The following TCAIM variants were observed in gnomAD, a reference collection of about 807,000 sequenced individuals.
TCAIM encodes T cell activation inhibitor, mitochondrial, also known as T-cell activation inhibitor, mitochondrial.
In TCAIM, 36 loss-of-function variants were observed where a neutral mutation model predicts 58.6. The observed-to-expected ratio is 0.61, with a 90% confidence interval of 0.47 to 0.81. TCAIM has a LOEUF of 0.81. TCAIM is among the 30% of genes least tolerant of loss of function. TCAIM has a pLI of 0.00. For missense variants in TCAIM, 466 were observed against 579.6 expected, an observed-to-expected ratio of 0.80 and a Z score of 2.01; for synonymous variants, 172 against 193.6, an observed-to-expected ratio of 0.89 and a Z score of 0.93.
intron 10 of TCAIM, among the ~76,000 whole-genome samples, chr3:44,407,035 T>A (rs1274545858): frequency 1.3e-5 from 2 of 152,214 alleles, no homozygotes; most frequent in Non-Finnish European, 2.9e-5. Context: ...CCTGCTTTTA[T>A]CTGGGAAATC....
intron 5 of TCAIM, among the ~76,000 whole-genome samples, chr3:44,377,249 A>G (rs1208729678): frequency 1.3e-5 from 2 of 152,200 alleles, no homozygotes; most frequent in East Asian, 1.9e-4. Flanking sequence ...CAAAATAGAC[A>G]TTAAATTTAA....
intron 1 of TCAIM, among the ~76,000 whole-genome samples, chr3:44,352,079 G>A (rs1380103692): frequency 6.8e-6 from 1 of 147,804 alleles, no homozygotes; most frequent in African/African-American, 2.5e-5. Flanking sequence ...TCATATATAT[G>A]TGTGTGTGTA....
intron 1 of TCAIM, chr3:44,341,391 C>T (rs928452367): frequency 1.4e-4 from 22 of 152,064 alleles, no homozygotes; most frequent in Non-Finnish European, 2.9e-4. Flanking sequence ...TTAGCAAGTG[C>T]CACCTTTGTC....
chr3:44,362,287 C>G, intron 4 of TCAIM: 1 of 397,122 alleles, frequency 2.5e-6, no homozygotes. Context: ...GTTTCTAGCT[C>G]TGCCAGTGAC....
chr3:44,355,905 C>T (rs747775054), intron 2 of TCAIM, among the ~76,000 whole-genome samples: 4 of 152,176 alleles, frequency 2.6e-5, no homozygotes, highest in African/African-American at 2.4e-5. Flanking sequence ...GAAATGAGAA[C>T]GGAAGCTCAG....
intron 5 of TCAIM, 39 bp from the exon 6 acceptor site, chr3:44,392,816 A>G: frequency 6.4e-7 from 1 of 1,566,716 alleles, no homozygotes. Flanking sequence ...TATGTATATT[A>G]TAGTTAGTAT....
chr3:44,385,377 A>G (rs759474215), intron 5 of TCAIM, among the ~76,000 whole-genome samples: 1 of 152,218 alleles, frequency 6.6e-6, no homozygotes, highest in Non-Finnish European at 1.5e-5. Flanking sequence ...ATAGATCCAT[A>G]TACTTATTTA....
chr3:44,359,784 C>G (rs1701265867), intron 3 of TCAIM: 1 of 152,154 alleles, frequency 6.6e-6, no homozygotes, highest in South Asian at 2.1e-4. Context: ...TGTAATAAAC[C>G]ATAATGGTGA....
At chr3:44,398,221 C>G (rs1388499994) in intron 8 of TCAIM, among the ~76,000 whole-genome samples, 1 of 151,780 alleles carries the variant, frequency 6.6e-6, no homozygotes, top group Non-Finnish European at 1.5e-5. Context: ...GTCAGGAGTT[C>G]GAGACCAGCC....
intron 8 of TCAIM, 44 bp from the exon 9 acceptor site, chr3:44,400,311 G>A: frequency 7.1e-7 from 1 of 1,405,108 alleles, no homozygotes; most frequent in Non-Finnish European, 9.8e-7. Context: ...AATTATTATA[G>A]TAACATAAAA....
At position 44,367,656 on chromosome 3, in the gene TCAIM, A is replaced by G. The variant is rs1277926465; in HGVS notation, c.520A>G (p.Lys174Glu). 1 of 1,614,028 alleles carries G rather than the reference A, an allele frequency of 6.2e-7. No individual in the cohort carries two copies. Among genetic ancestry groups the G allele is most frequent in the African/African-American group, 1.3e-5 (1 of 74,940 alleles). ...DKSYYSFTGF[K>E]DPDEDLEQVS... ...GTCTTATTACTCCTTTACTGGATTC[A>G]AGGACCCTGATGAAGACCTTGAACA... is the stretch of plus-strand genomic sequence containing the variant. The change falls in exon 5 of 11, where the codon AAG becomes GAG. Residue 174 changes from lysine (K) to glutamate (E), a missense_variant. Physicochemically the swap from Lys to Glu is moderately conservative, Grantham distance 56. Coordinates refer to ENST00000342649, the MANE Select transcript of TCAIM (RefSeq NM_173826.4).
intron 10 of TCAIM, among the ~76,000 whole-genome samples, chr3:44,401,573 A>G (rs890924650): frequency 6.6e-5 from 10 of 152,220 alleles, no homozygotes; most frequent in Admixed American, 6.5e-4. Context: ...AAAAATAAGA[A>G]TATCAGCAAG....
chr3:44,356,931 A>C (rs1029948428), intron 2 of TCAIM, among the ~76,000 whole-genome samples: 3 of 152,060 alleles, frequency 2.0e-5, no homozygotes, highest in African/African-American at 7.2e-5. Context: ...CAGTGAGCCA[A>C]GATCATGCCA....
intron 5 of TCAIM, among the ~76,000 whole-genome samples, chr3:44,375,930 T>TACCA (rs1701557852): frequency 6.6e-6 from 1 of 152,256 alleles, no homozygotes; most frequent in Non-Finnish European, 1.5e-5. Flanking sequence ...ACCTAATGTC[T>TACCA]ACCAACTGAT....
chr3:44,394,227 T>C (rs1701886227), intron 6 of TCAIM, among the ~76,000 whole-genome samples: 1 of 152,196 alleles, frequency 6.6e-6, no homozygotes, highest in East Asian at 1.9e-4. Context: ...CAAATCATCA[T>C]AAGATAATTC....
rs1701395725 is a variant in TCAIM at position 44,367,346 on chromosome 3, G to C, written c.320-110G>C. 4 of 1,293,910 alleles carry C rather than the reference G, an allele frequency of 3.1e-6. No individual in the cohort carries two copies. In the East Asian group the frequency reaches 1.0e-4, roughly 33 times the overall value. 80.2% of individuals were successfully genotyped at this position (1,293,910 alleles called of 1,614,324 possible). On this transcript the variant is annotated intron_variant, in intron 4 of 10. Transcript: ENST00000342649. ...TCCATTTACAGGTGATTTGCTAATA[G>C]GACGAATTTAAATCAGTAATAGAAT...
At chr3:44,340,103 G>A (rs930585165) in intron 1 of TCAIM, 3 of 152,236 alleles carry the variant, frequency 2.0e-5, no homozygotes, top group Non-Finnish European at 4.4e-5. Flanking sequence ...TGCGGTTGAT[G>A]TGGATGTCCC....
At position 44,392,835 on chromosome 3, in the gene TCAIM, A is replaced by G. The variant is rs754463136; in HGVS notation, c.573-20A>G. ...TATATTATAGTTAGTATTGTAAAGT[A>G]TGTATCTCTCTCTTTCTAGATCCTG... On this transcript the variant is annotated intron_variant, in intron 5 of 10. Transcript: ENST00000342649. The G allele has an allele frequency of 6.2e-7, 1 of 1,606,500 alleles. No individual in the cohort carries two copies.
At chr3:44,342,525 T>G (rs534455486) in intron 1 of TCAIM, among the ~76,000 whole-genome samples, 2 of 152,186 alleles carry the variant, frequency 1.3e-5, no homozygotes, top group Non-Finnish European at 2.9e-5. Flanking sequence ...GCTTTATTTA[T>G]CAATCAAATT....
Sources: allele counts gnomAD v4.1 joint callset (sites outside exome capture counted in the v4.1 genomes callset), GRCh38; gene constraint gnomAD v4.1.1; transcripts MANE v1.5; gene names NCBI Gene and HGNC (gene_info 2026-07-23, HGNC 2026-07-21).